SLC24A4: variants seen among roughly 807,000 people sequenced by gnomAD.
SLC24A4 encodes sodium/potassium/calcium exchanger 4.
A neutral mutation model predicts 79.0 loss-of-function variants in SLC24A4; 53 were observed. That is an observed-to-expected ratio of 0.67 (90% CI 0.54 to 0.84). The LOEUF (loss-of-function observed/expected upper bound fraction) is 0.84, where lower values mean the gene tolerates loss of function less well. SLC24A4 is among the 40% of genes least tolerant of loss of function. The pLI, the probability that SLC24A4 is intolerant of heterozygous loss-of-function variation, is 0.00. For synonymous variants in SLC24A4, 323 were observed against 323.8 expected (o/e 1.00, Z 0.03); for missense variants, 731 against 822.0 (o/e 0.89, Z 1.35).
Position 92,493,015 on chromosome 14 carries a change from CACAG to C in SLC24A4, c.1717-459_1717-456del, listed in dbSNP as rs1459053825. 1.6e-3 allele frequency: 462 copies of C among 280,222 alleles called. 12 individuals carry two copies. The highest frequency in any genetic ancestry group is 2.3e-3 in the Non-Finnish European group (330 of 141,814). The allele number at this position is 280,222 out of a possible 1,614,324, so 17.4% of individuals were successfully genotyped here. ...ACACACACACACACACACACACACACACAGAGAAAGATTTGCCCAGCCAGGGGTC... is the reference window on the plus strand; with the variant it reads ...ACACACACACACACACACACACACACAGAAAGATTTGCCCAGCCAGGGGTC... On this transcript the variant is annotated intron_variant, in intron 16 of 16. Coordinates refer to ENST00000532405, the MANE Select transcript of SLC24A4 (RefSeq NM_153646.4).
At chr14:92,405,855 TCC>T (rs1566743852) in intron 2 of SLC24A4, among the ~76,000 whole-genome samples, 1 of 151,978 alleles carries the variant, frequency 6.6e-6, no homozygotes, top group South Asian at 2.1e-4. Flanking sequence ...CCTTGACCCC[TCC>T]CAAATCTCAT....
rs1160627581 is a variant in SLC24A4, at chr14:92,360,084, A to G, written c.241+34106A>G. 3.3e-5 allele frequency among the ~76,000 whole-genome samples: 5 copies of G among 151,994 alleles called. No individual in the cohort carries two copies. In the South Asian group the frequency reaches 1.0e-3, roughly 31 times the overall value. On this transcript the variant is annotated intron_variant, in intron 2 of 16. Coordinates refer to ENST00000532405, the MANE Select transcript of SLC24A4 (RefSeq NM_153646.4). Reference sequence around the variant, plus strand: ...TAGGTGTGCACCACCATGCCTGGCTATGTTTTGTATTTTTAGCAGAGGCTA... The same window carrying G: ...TAGGTGTGCACCACCATGCCTGGCTGTGTTTTGTATTTTTAGCAGAGGCTA...
intron 14 of SLC24A4, among the ~76,000 whole-genome samples, chr14:92,489,581 T>C (rs1378505044): frequency 3.3e-5 from 5 of 152,134 alleles, no homozygotes; most frequent in Admixed American, 1.3e-4. Context: ...AGCATGGTCC[T>C]AGCCCCGAGC....
chr14:92,400,192 G>A (rs1312858571), intron 2 of SLC24A4, among the ~76,000 whole-genome samples: 1 of 152,194 alleles, frequency 6.6e-6, no homozygotes, highest in African/African-American at 2.4e-5. Context: ...TGTAATCCCA[G>A]CACTTTGGGA....
At chr14:92,333,686 C>T (rs1405547626) in intron 2 of SLC24A4, among the ~76,000 whole-genome samples, 6 of 152,180 alleles carry the variant, frequency 3.9e-5, no homozygotes, top group South Asian at 2.1e-4. Flanking sequence ...AAAGGTGCTT[C>T]GTAGCATTTC....
At chr14:92,387,677 AG>A (rs1419700335) in intron 2 of SLC24A4, among the ~76,000 whole-genome samples, 2 of 152,200 alleles carry the variant, frequency 1.3e-5, no homozygotes, top group Non-Finnish European at 2.9e-5. Flanking sequence ...CACCATCCCA[AG>A]CTGAACCTCT....
chr14:92,356,342 C>T (rs1317961435), intron 2 of SLC24A4, among the ~76,000 whole-genome samples: 2 of 152,212 alleles, frequency 1.3e-5, no homozygotes, highest in Non-Finnish European at 2.9e-5. Flanking sequence ...AGCCAGGAAA[C>T]ATGACATTCT....
chr14:92,461,606 C>T (rs1893813751), intron 12 of SLC24A4, among the ~76,000 whole-genome samples: 1 of 152,066 alleles, frequency 6.6e-6, no homozygotes, highest in African/African-American at 2.4e-5. Context: ...TCTGAGGCCA[C>T]TATTGAATTA....
chr14:92,461,579 C>A (rs1009025709), intron 12 of SLC24A4, among the ~76,000 whole-genome samples: 3 of 152,136 alleles, frequency 2.0e-5, no homozygotes, highest in Non-Finnish European at 4.4e-5. Context: ...GGAGAGAGAT[C>A]TTTCTCTTCC....
At chr14:92,365,712 A>G (rs1887797769) in intron 2 of SLC24A4, among the ~76,000 whole-genome samples, 1 of 152,210 alleles carries the variant, frequency 6.6e-6, no homozygotes, top group South Asian at 2.1e-4. Context: ...TATATTGGCC[A>G]CTTATGTTCA....
intron 2 of SLC24A4, among the ~76,000 whole-genome samples, chr14:92,403,606 TAAA>T (rs78331584): frequency 1.3e-4 from 14 of 110,106 alleles, no homozygotes; most frequent in Non-Finnish European, 1.6e-4. Context: ...AGACTCCATC[TAAA>T]AAAAAAAAAA....
At chr14:92,405,450 G>A (rs1890323088) in intron 2 of SLC24A4, among the ~76,000 whole-genome samples, 1 of 152,178 alleles carries the variant, frequency 6.6e-6, no homozygotes, top group Non-Finnish European at 1.5e-5. Flanking sequence ...AGCAAAGGTT[G>A]ATTATAGCAT....
At position 92,441,358 on chromosome 14, in the gene SLC24A4, G is replaced by A. The variant is rs752375129; in HGVS notation, c.394-731G>A. On this transcript the variant is annotated intron_variant, in intron 4 of 16. Coordinates refer to ENST00000532405, the MANE Select transcript of SLC24A4 (RefSeq NM_153646.4). The surrounding 1 kb of genome is among the most constrained non-coding windows in gnomAD (Gnocchi z 4.6). Reference sequence around the variant, plus strand: ...TGGGCTCTGTGGCCAGACATGACCCGGACAGGCAGAACAGGCCCCAACCAT... The same window carrying A: ...TGGGCTCTGTGGCCAGACATGACCCAGACAGGCAGAACAGGCCCCAACCAT... Among the ~76,000 whole-genome samples the A allele has an allele frequency of 6.6e-6, 1 of 152,164 alleles. No homozygotes were observed. The highest frequency in any genetic ancestry group is 1.5e-5 in the Non-Finnish European group (1 of 68,034).
At chr14:92,454,218 C>T in intron 11 of SLC24A4, 149 bp downstream of exon 11, 3 of 731,706 alleles carry the variant, frequency 4.1e-6, no homozygotes, top group South Asian at 3.9e-5. Context: ...CAGCCACAGG[C>T]AGCAAATTAT....
At chr14:92,485,710 C>G (rs1397860972) in intron 13 of SLC24A4, among the ~76,000 whole-genome samples, 1 of 151,864 alleles carries the variant, frequency 6.6e-6, no homozygotes, top group Non-Finnish European at 1.5e-5. Context: ...GTGAGAGAAT[C>G]AGGAAGATCA....
upstream of SLC24A4, chr14:92,322,696 A>G (rs1884861022): frequency 6.6e-6 from 1 of 152,474 alleles, no homozygotes; most frequent in Non-Finnish European, 1.5e-5. Context: ...AGCTGGTCCC[A>G]GCGGGTCCAA....
rs12435939 is a variant in SLC24A4, at chr14:92,383,172, C to A, written c.242-50740C>A. The stretch of plus-strand genomic sequence containing the variant: ...TTCTTCTCACAGTCACGTCTAAAGA[C>A]CCCGGGGTCCTCATGGCAGAGAAGG... On this transcript the variant is annotated intron_variant, in intron 2 of 16. Transcript: ENST00000532405. 1.4e-4 allele frequency among the ~76,000 whole-genome samples: 21 copies of A among 152,254 alleles called. No individual in the cohort carries two copies. The South Asian group carries it at 4.4e-3, about 32-fold the overall frequency.
At chr14:92,389,590 T>C (rs574366731) in intron 2 of SLC24A4, among the ~76,000 whole-genome samples, 1 of 152,234 alleles carries the variant, frequency 6.6e-6, no homozygotes, top group South Asian at 2.1e-4. Context: ...CTGTCCCCCA[T>C]GAAGTCCTGC....
intron 2 of SLC24A4, among the ~76,000 whole-genome samples, chr14:92,380,342 C>T (rs558030155): frequency 2.6e-5 from 4 of 152,168 alleles, no homozygotes; most frequent in Non-Finnish European, 5.9e-5. Context: ...CTCATAATCC[C>T]TGGGGTTTGG....
Sources: allele counts gnomAD v4.1 joint callset (sites outside exome capture counted in the v4.1 genomes callset), GRCh38; gene constraint gnomAD v4.1.1; non-coding constraint Gnocchi (gnomAD v3.1); transcripts MANE v1.5; gene names NCBI Gene and HGNC (gene_info 2026-07-23, HGNC 2026-07-21).